The following PCDHA1 variants were observed in gnomAD, a reference collection of about 807,000 sequenced individuals.
The protein encoded by PCDHA1 is protocadherin alpha 1.
PCDHA1 carries 42 observed loss-of-function variants against 61.3 expected under a neutral mutation model. The ratio of observed to expected loss-of-function variants is 0.69; its 90% CI spans 0.54 to 0.89. The LOEUF (loss-of-function observed/expected upper bound fraction) is 0.89. PCDHA1 is among the 40% of genes least tolerant of loss of function. PCDHA1 has a pLI of 0.00. For missense variants in PCDHA1, 1,256 were observed against 1,235.3 expected (o/e 1.02, Z -0.25); for synonymous variants, 610 against 553.8 (o/e 1.10, Z -1.43).
At chr5:140,954,692 C>T (rs1428031536) in intron 1 of PCDHA1, among the ~76,000 whole-genome samples, 10 of 151,966 alleles carry the variant, frequency 6.6e-5, no homozygotes, top group African/African-American at 2.4e-4. Flanking sequence ...GATGGATAGA[C>T]TACAAAATTT....
chr5:140,904,335 C>T (rs142753502), intron 1 of PCDHA1, among the ~76,000 whole-genome samples: 2,168 of 152,034 alleles, frequency 0.014, 62 homozygotes, highest in African/African-American at 0.05. Flanking sequence ...TCTCCAGTTC[C>T]ATCCAGGTTG....
intron 1 of PCDHA1, chr5:140,860,221 A>G (rs545032981): frequency 3.3e-5 from 5 of 149,836 alleles, no homozygotes; most frequent in Non-Finnish European, 7.4e-5. Flanking sequence ...ACTTATGTAT[A>G]TATAAGCCAG....
At chr5:140,919,816 A>T (rs542185810) in intron 1 of PCDHA1, among the ~76,000 whole-genome samples, 22 of 152,358 alleles carry the variant, frequency 1.4e-4, no homozygotes, top group African/African-American at 5.3e-4. Flanking sequence ...GGCCTCAAAA[A>T]TATATGTCCA....
At chr5:140,791,930 T>G (rs1581605210) in intron 1 of PCDHA1, among the ~76,000 whole-genome samples, 1 of 152,154 alleles carries the variant, frequency 6.6e-6, no homozygotes, top group Non-Finnish European at 1.5e-5. Context: ...CATAGATAGG[T>G]GCAAAGGGTA....
chr5:140,924,876 C>G (rs1380631161), intron 1 of PCDHA1, among the ~76,000 whole-genome samples: 1 of 144,704 alleles, frequency 6.9e-6, no homozygotes, highest in Non-Finnish European at 1.5e-5. Flanking sequence ...GCCTGGGTGA[C>G]AGAGCAAGAA....
chr5:140,788,041 TG>T lies in PCDHA1; in HGVS notation c.1753del (p.Val585TrpfsTer66), dbSNP rs782000837. 3 of 1,613,922 alleles carry T rather than the reference TG, an allele frequency of 1.9e-6. No individual in the cohort carries two copies. The highest frequency in any genetic ancestry group is 2.5e-6 in the Non-Finnish European group (3 of 1,179,868). On this transcript the variant is annotated frameshift_variant, in exon 1 of 4. Transcript: ENST00000504120. LOFTEE classifies it high-confidence loss of function. ...IGAVSELVPR[L>X]VGAGHVVAKV... ...GCAGTCAGTGAGCTGGTGCCGCGATTGGTGGGTGCGGGTCATGTGGTGGCGA... is the reference window on the plus strand; with the variant it reads ...GCAGTCAGTGAGCTGGTGCCGCGATTGTGGGTGCGGGTCATGTGGTGGCGA...
chr5:140,995,893 A>G (rs1038677586), intron 3 of PCDHA1, among the ~76,000 whole-genome samples: 3 of 152,182 alleles, frequency 2.0e-5, no homozygotes, highest in Non-Finnish European at 4.4e-5. Flanking sequence ...AGATTTATCA[A>G]TGTATAAAAG....
chr5:140,822,174 CAG>C lies in PCDHA1; in HGVS notation c.2394+33492_2394+33493del, dbSNP rs2150114335. 10 of 1,614,246 alleles carry C rather than the reference CAG, an allele frequency of 6.2e-6. No homozygotes were observed. In the East Asian group the frequency reaches 2.0e-4, roughly 32 times the overall value. On this transcript the variant is annotated intron_variant, in intron 1 of 3. Coordinates refer to ENST00000504120, the MANE Select transcript of PCDHA1 (RefSeq NM_018900.4). ...TCAATGACAATCCGCCCAGGTTCTC[CAG>C]ACAAGAACAAAGATTATTCATTTTA...
intron 1 of PCDHA1, among the ~76,000 whole-genome samples, chr5:140,909,449 A>G (rs1301796561): frequency 1.3e-5 from 2 of 152,218 alleles, no homozygotes; most frequent in African/African-American, 4.8e-5. Flanking sequence ...GTCATTCTCC[A>G]AGATCCATCT....
At chr5:140,821,779 G>T in intron 1 of PCDHA1, 9 of 1,609,366 alleles carry the variant, frequency 5.6e-6, no homozygotes, top group Non-Finnish European at 7.6e-6. Flanking sequence ...GATTGAGATG[G>T]TATATTCCCG....
chr5:140,966,958 G>T (rs561982676), intron 1 of PCDHA1: 4 of 1,602,380 alleles, frequency 2.5e-6, no homozygotes, highest in African/African-American at 2.7e-5. Context: ...TGGCTCGCGC[G>T]CTGGGGCTTG....
chr5:140,834,793 A>G (rs1554134523), intron 1 of PCDHA1: 4 of 1,613,670 alleles, frequency 2.5e-6, no homozygotes, highest in South Asian at 2.2e-5. Flanking sequence ...CCAGCGACAC[A>G]AAGGAATCTG....
intron 1 of PCDHA1, chr5:140,808,973 G>T: frequency 6.2e-7 from 1 of 1,613,674 alleles, no homozygotes; most frequent in Non-Finnish European, 8.5e-7. Flanking sequence ...AAAGGTGCGC[G>T]CGGTGGATGC....
intron 1 of PCDHA1, chr5:140,829,411 C>A: frequency 6.2e-7 from 1 of 1,614,148 alleles, no homozygotes; most frequent in Non-Finnish European, 8.5e-7. Flanking sequence ...CCACCGCCAG[C>A]TTGTCTGTGG....
intron 1 of PCDHA1, among the ~76,000 whole-genome samples, chr5:140,895,802 CTGTATTGTAT>C (rs1289601886): frequency 6.6e-6 from 1 of 152,048 alleles, no homozygotes; most frequent in Admixed American, 6.6e-5. Context: ...ATGTACAATA[CTGTATTGTAT>C]TGTATTGTAT....
At chr5:140,836,148 C>T (rs1554135661) in intron 1 of PCDHA1, 1 of 1,613,646 alleles carries the variant, frequency 6.2e-7, no homozygotes, top group East Asian at 2.2e-5. Flanking sequence ...GGGCGCGGGC[C>T]ATGTGGTGGC....
rs1781368180 is a variant in PCDHA1 at position 140,848,199 on chromosome 5, A to G, written c.2394+59515A>G. 9.4e-6 allele frequency: 3 copies of G among 318,910 alleles called. No individual in the cohort carries two copies. In the East Asian group the frequency reaches 1.6e-4, roughly 17 times the overall value. The allele number at this position is 318,910 out of a possible 1,614,324, so 19.8% of individuals were successfully genotyped here. ...GAGAAACGGGATCTTCTGTTTCAAC[A>G]ATCATTACTTAAGAAAAAATTAAGA... On this transcript the variant is annotated intron_variant, in intron 1 of 3. Transcript: ENST00000504120.
chr5:140,856,103 C>G (rs1554148182), intron 1 of PCDHA1: 1 of 1,597,894 alleles, frequency 6.3e-7, no homozygotes, highest in South Asian at 1.1e-5. Context: ...CTCGCTTCTT[C>G]TCCTCGCAGC....
chr5:140,791,236 GT>G (rs1761634180), intron 1 of PCDHA1, among the ~76,000 whole-genome samples: 2 of 152,240 alleles, frequency 1.3e-5, no homozygotes, highest in Admixed American at 1.3e-4. Context: ...TAGCACGATT[GT>G]GTAATTTCCT....
Sources: allele counts gnomAD v4.1 joint callset (sites outside exome capture counted in the v4.1 genomes callset), GRCh38; gene constraint gnomAD v4.1.1; transcripts MANE v1.5; gene names NCBI Gene and HGNC (gene_info 2026-07-23, HGNC 2026-07-21).